Variants in RSRC1 observed in about 807,000 individuals in gnomAD.
The protein encoded by RSRC1 is arginine and serine rich coiled-coil 1, also known as serine/Arginine-related protein 53.
RSRC1 carries 39 observed loss-of-function variants against 49.1 expected under a neutral mutation model. The observed-to-expected ratio is 0.79, with a 90% confidence interval of 0.61 to 1.04. The LOEUF (loss-of-function observed/expected upper bound fraction) is 1.04. Among genes scored for constraint, RSRC1 ranks in the 50% least tolerant of loss-of-function variants. The probability of loss-of-function intolerance (pLI) is 0.00; values close to 1 mark genes in which losing one functional copy is unlikely to be tolerated. For missense variants in RSRC1, 388 were observed against 402.4 expected, an observed-to-expected ratio of 0.96 and a Z score of 0.31; for synonymous variants, 143 against 130.8, an observed-to-expected ratio of 1.09 and a Z score of -0.63.
At chr3:158,223,551 G>A (rs1051991906) in intron 4 of RSRC1, among the ~76,000 whole-genome samples, 2 of 149,464 alleles carry the variant, frequency 1.3e-5, no homozygotes, top group Admixed American at 1.3e-4. Flanking sequence ...GACCAAGCCC[G>A]TCATCATTTT....
chr3:158,207,776 G>A (rs1721432639), intron 4 of RSRC1, among the ~76,000 whole-genome samples: 2 of 151,858 alleles, frequency 1.3e-5, no homozygotes, highest in Non-Finnish European at 2.9e-5. Flanking sequence ...TTATAAATTG[G>A]GAAAAACAAA....
At chr3:158,354,987 T>TA (rs5853823) in intron 6 of RSRC1, 79 bp downstream of exon 6, 14,065 of 680,758 alleles carry the variant, frequency 0.021, 1 homozygote, top group South Asian at 0.043. Flanking sequence ...TAGAAATGAG[T>TA]AAAAAAAAAA....
chr3:158,250,277 T>C (rs1559961749), intron 4 of RSRC1, among the ~76,000 whole-genome samples: 2 of 152,192 alleles, frequency 1.3e-5, no homozygotes, highest in Non-Finnish European at 2.9e-5. Flanking sequence ...GCAATAAACG[T>C]GGGAGTGCAG....
chr3:158,132,044 T>C (rs1212363694), intron 3 of RSRC1: 1 of 404,720 alleles, frequency 2.5e-6, no homozygotes, highest in Non-Finnish European at 5.1e-6. Flanking sequence ...AGTGCAGTGG[T>C]GCAATCTTGG....
intron 6 of RSRC1, among the ~76,000 whole-genome samples, chr3:158,423,250 T>C (rs1287460023): frequency 1.3e-5 from 2 of 152,172 alleles, no homozygotes; most frequent in East Asian, 3.8e-4. Flanking sequence ...AATTGATTTT[T>C]GTATAAGGTG....
At chr3:158,461,287 A>G (rs1737598004) in intron 7 of RSRC1, among the ~76,000 whole-genome samples, 2 of 151,920 alleles carry the variant, frequency 1.3e-5, no homozygotes, top group South Asian at 4.1e-4. Flanking sequence ...TAGTTAAAAA[A>G]TTATCAAAAT....
chr3:158,528,745 A>G (rs1368464933), intron 7 of RSRC1, among the ~76,000 whole-genome samples: 6 of 151,882 alleles, frequency 4.0e-5, no homozygotes, highest in Non-Finnish European at 7.4e-5. Context: ...CCTTTTTCCT[A>G]CCCTATTAAA....
chr3:158,517,491 A>G (rs1740638560), intron 7 of RSRC1, among the ~76,000 whole-genome samples: 1 of 152,078 alleles, frequency 6.6e-6, no homozygotes, highest in Admixed American at 6.6e-5. Flanking sequence ...TCTTTTTTAT[A>G]GGGGGTGATG....
At chr3:158,520,758 A>G (rs1711614608) in intron 7 of RSRC1, among the ~76,000 whole-genome samples, 2 of 152,172 alleles carry the variant, frequency 1.3e-5, no homozygotes, top group African/African-American at 2.4e-5. Context: ...TATTGCTAAC[A>G]TTGTTATGTG....
chr3:158,140,346 C>T (rs991226556), intron 3 of RSRC1, among the ~76,000 whole-genome samples: 4 of 152,150 alleles, frequency 2.6e-5, no homozygotes, highest in Admixed American at 1.3e-4. Flanking sequence ...TTGTCAGGCT[C>T]TTGTTAAGAA....
Position 158,545,520 on chromosome 3 carries a change from A to G in RSRC1, c.*1245A>G, listed in dbSNP as rs1713295384. 2 of 152,192 alleles carry G rather than the reference A, an allele frequency of 1.3e-5. No individual in the cohort carries two copies. Among genetic ancestry groups the G allele is most frequent in the Non-Finnish European group, 2.9e-5 (2 of 68,038 alleles). 9.4% of individuals were successfully genotyped at this position (152,192 alleles called of 1,614,324 possible). The stretch of plus-strand genomic sequence containing the variant: ...AAGTCTTCAGGGTAGGACTGCCAAC[A>G]TATAGGACATTTTAATGCCATCTTC... On this transcript the variant is annotated 3_prime_UTR_variant, in exon 10 of 10. Coordinates refer to ENST00000611884, the MANE Select transcript of RSRC1 (RefSeq NM_001271838.2).
chr3:158,354,931 T>C, intron 6 of RSRC1, 23 bp downstream of exon 6: 6 of 1,510,526 alleles, frequency 4.0e-6, no homozygotes, highest in Non-Finnish European at 5.3e-6. Flanking sequence ...AATTAACTTT[T>C]ATTAAATGAA....
chr3:158,496,256 G>A (rs1005157835), intron 7 of RSRC1, among the ~76,000 whole-genome samples: 1 of 152,030 alleles, frequency 6.6e-6, no homozygotes, highest in Non-Finnish European at 1.5e-5. Context: ...TTGGGAGATC[G>A]GATTTCTGTT....
intron 4 of RSRC1, among the ~76,000 whole-genome samples, chr3:158,217,733 T>G (rs1055122182): frequency 7.2e-6 from 1 of 138,698 alleles, no homozygotes; most frequent in Non-Finnish European, 1.5e-5. Flanking sequence ...GTGCCTAACA[T>G]TATGGAAATT....
chr3:158,136,300 T>A (rs974670739), intron 3 of RSRC1, among the ~76,000 whole-genome samples: 15 of 152,190 alleles, frequency 9.9e-5, no homozygotes, highest in African/African-American at 3.1e-4. Flanking sequence ...TTAAGTTTTT[T>A]AAAAAACTAA....
At position 158,443,411 on chromosome 3, in the gene RSRC1, T is replaced by C. The variant is rs192684048; in HGVS notation, c.584-17524T>C. On this transcript the variant is annotated intron_variant, in intron 6 of 9. Coordinates refer to ENST00000611884, the MANE Select transcript of RSRC1 (RefSeq NM_001271838.2). ...CAGCATTGCTGCTTCACCTTGCACTTTTATGTTATGAAGATTACTTCTTTC... is the reference window on the plus strand; with the variant it reads ...CAGCATTGCTGCTTCACCTTGCACTCTTATGTTATGAAGATTACTTCTTTC... Among the ~76,000 whole-genome samples, 16 of 152,328 alleles carry C rather than the reference T, an allele frequency of 1.1e-4. 1 individual carries two copies. The highest frequency in any genetic ancestry group is 1.0e-3 in the Admixed American group (16 of 15,292).
At chr3:158,386,428 C>T (rs1383300196) in intron 6 of RSRC1, among the ~76,000 whole-genome samples, 1 of 151,912 alleles carries the variant, frequency 6.6e-6, no homozygotes, top group African/African-American at 2.4e-5. Context: ...TCCCTCTTTG[C>T]CCAATTTATT....
chr3:158,420,426 GAT>G (rs1440871809), intron 6 of RSRC1, among the ~76,000 whole-genome samples: 1 of 151,904 alleles, frequency 6.6e-6, no homozygotes, highest in Admixed American at 6.6e-5. Flanking sequence ...AAGGAACTAT[GAT>G]CTCTGATTAG....
At chr3:158,314,009 A>G (rs1728263851) in intron 5 of RSRC1, among the ~76,000 whole-genome samples, 4 of 152,370 alleles carry the variant, frequency 2.6e-5, no homozygotes, top group Admixed American at 2.0e-4. Context: ...TTGTCTTTTA[A>G]TAGGAATCCA....
Sources: gnomAD v4.1 joint callset for allele counts (sites outside exome capture counted in the v4.1 genomes callset) on GRCh38, gnomAD v4.1.1 for gene constraint, MANE v1.5 for transcripts, NCBI Gene and HGNC (gene_info 2026-07-23, HGNC 2026-07-21) for gene names.